ADGRV1: variants seen among roughly 807,000 people sequenced by gnomAD.
ADGRV1 encodes adhesion G protein-coupled receptor V1.
In ADGRV1, 359 loss-of-function variants were observed where a neutral mutation model predicts 596.2. The observed-to-expected ratio is 0.60, with a 90% CI of 0.55 to 0.66. The LOEUF (loss-of-function observed/expected upper bound fraction) is 0.66. Ranked by LOEUF, ADGRV1 falls within the 30% of genes least tolerant of loss-of-function variation. ADGRV1 has a pLI of 0.00. For synonymous variants in ADGRV1, 2,681 were observed against 2,679.2 expected, an observed-to-expected ratio of 1.00 and a Z score of -0.02; for missense variants, 7,274 against 7,575.6, an observed-to-expected ratio of 0.96 and a Z score of 1.48.
intron 1 of ADGRV1, among the ~76,000 whole-genome samples, chr5:90,614,429 CTGTT>C (rs1763089046): frequency 6.6e-6 from 1 of 152,024 alleles, no homozygotes; most frequent in Non-Finnish European, 1.5e-5. Context: ...TTGGCTTCAA[CTGTT>C]TCAGTTTTGG....
In ADGRV1 at chr5:90,693,992, A is replaced by C; in HGVS notation, c.7236A>C (p.Glu2412Asp). 1 of 1,613,496 alleles carries C rather than the reference A, an allele frequency of 6.2e-7. No individual in the cohort carries two copies. Among genetic ancestry groups the C allele is most frequent in the Non-Finnish European group, 8.5e-7 (1 of 1,179,720 alleles). The change falls in exon 33 of 90, where the codon GAA becomes GAC. Residue 2412 changes from glutamate (E) to aspartate (D), a missense_variant. Physicochemically the swap from Glu to Asp is conservative, Grantham distance 45. Transcript: ENST00000405460. ...EEGQDLLSYY[E>D]SPIQGVPDPL... ...GTCAAGATTTACTGTCCTACTATGA[A>C]TCTCCAATTCAAGGGGTGCCTGACC...
intron 2 of ADGRV1, 105 bp from the exon 3 acceptor site, chr5:90,617,698 AT>A (rs1179648076): frequency 3.2e-6 from 3 of 928,408 alleles, no homozygotes; most frequent in Admixed American, 2.7e-5. Context: ...ATAAACATAA[AT>A]GTCACTTGAT....
intron 2 of ADGRV1, chr5:90,617,277 A>G (rs1279681432): frequency 6.6e-6 from 1 of 151,830 alleles, no homozygotes; most frequent in Non-Finnish European, 1.5e-5. Flanking sequence ...GTTTCACAGC[A>G]TGAACAAATG....
chr5:90,621,549 C>T (rs1764069040), intron 4 of ADGRV1, among the ~76,000 whole-genome samples: 1 of 152,142 alleles, frequency 6.6e-6, no homozygotes, highest in South Asian at 2.1e-4. Flanking sequence ...ATGTGGCTTT[C>T]CTGCTACACT....
intron 85 of ADGRV1, among the ~76,000 whole-genome samples, chr5:91,040,730 A>T (rs1376829453): frequency 2.0e-5 from 3 of 152,202 alleles, no homozygotes; most frequent in South Asian, 2.1e-4. Flanking sequence ...ATTTTGGATC[A>T]TCTGATCCAT....
chr5:90,860,945 A>G (rs2150438901), intron 82 of ADGRV1, among the ~76,000 whole-genome samples: 1 of 152,316 alleles, frequency 6.6e-6, no homozygotes, highest in Admixed American at 6.5e-5. Flanking sequence ...GTGATGCCAA[A>G]TAATGAAGAT....
chr5:90,612,601 A>G (rs983926567), intron 1 of ADGRV1, among the ~76,000 whole-genome samples: 3 of 152,028 alleles, frequency 2.0e-5, no homozygotes, highest in Non-Finnish European at 4.4e-5. Flanking sequence ...CGCCTTCTTC[A>G]TAGAGATATT....
intron 85 of ADGRV1, among the ~76,000 whole-genome samples, chr5:90,993,425 G>C (rs1420692860): frequency 6.6e-6 from 1 of 152,006 alleles, no homozygotes; most frequent in Non-Finnish European, 1.5e-5. Context: ...CCAAAGTGCT[G>C]GCATTACAGG....
chr5:90,657,326 G>C (rs1484382053), intron 20 of ADGRV1, among the ~76,000 whole-genome samples: 1 of 151,768 alleles, frequency 6.6e-6, no homozygotes, highest in East Asian at 2.0e-4. Flanking sequence ...TGATGTCCTT[G>C]CTATTTGTTA....
chr5:90,601,168 T>G lies in ADGRV1; in HGVS notation c.23-13667T>G, dbSNP rs1363652943. 7.3e-5 allele frequency among the ~76,000 whole-genome samples: 11 copies of G among 151,656 alleles called. No homozygotes were observed. In the East Asian group the frequency reaches 1.4e-3, roughly 19 times the overall value. ...CAGGAGAATCACTTGAACCTGGCGG[T>G]GGAGGTTGCAGTGAGCCAAGATCAC... is the stretch of plus-strand genomic sequence containing the variant. On this transcript the variant is annotated intron_variant, in intron 1 of 89. Coordinates refer to ENST00000405460, the MANE Select transcript of ADGRV1 (RefSeq NM_032119.4).
At chr5:90,849,535 G>A (rs1020252831) in intron 79 of ADGRV1, among the ~76,000 whole-genome samples, 5 of 151,996 alleles carry the variant, frequency 3.3e-5, no homozygotes, top group East Asian at 1.9e-4. Context: ...GACCAGAGGC[G>A]TGCACCACCA....
At chr5:90,955,057 C>G (rs945000776) in intron 83 of ADGRV1, among the ~76,000 whole-genome samples, 1 of 152,084 alleles carries the variant, frequency 6.6e-6, no homozygotes, top group Non-Finnish European at 1.5e-5. Flanking sequence ...CTCGCTTTTT[C>G]TCTCTCTGTT....
chr5:90,963,994 C>T (rs951148367), intron 83 of ADGRV1, among the ~76,000 whole-genome samples: 1 of 151,850 alleles, frequency 6.6e-6, no homozygotes, highest in Non-Finnish European at 1.5e-5. Context: ...TAAGGTGCAT[C>T]TTTCATTGTG....
chr5:90,772,657 A>C (rs1263443212), intron 59 of ADGRV1, among the ~76,000 whole-genome samples: 2 of 152,246 alleles, frequency 1.3e-5, no homozygotes, highest in Non-Finnish European at 2.9e-5. Context: ...TTGGGGTTAC[A>C]AAGTTGGATG....
intron 13 of ADGRV1, among the ~76,000 whole-genome samples, chr5:90,643,501 A>T (rs1767280114): frequency 6.6e-6 from 1 of 152,162 alleles, no homozygotes; most frequent in Admixed American, 6.5e-5. Flanking sequence ...ATTTTATTTT[A>T]TTCACTTTTG....
At chr5:90,886,944 G>A (rs189040213) in intron 83 of ADGRV1, among the ~76,000 whole-genome samples, 182 of 152,154 alleles carry the variant, frequency 1.2e-3, no homozygotes, top group African/African-American at 4.0e-3. Context: ...AATGTACCAC[G>A]TCTTATGTGA....
chr5:90,624,032 C>T (rs992668385), intron 5 of ADGRV1, among the ~76,000 whole-genome samples: 2 of 152,060 alleles, frequency 1.3e-5, no homozygotes, highest in Non-Finnish European at 2.9e-5. Flanking sequence ...AGTTTCTTTC[C>T]TAATTATTAA....
chr5:90,575,139 G>T (rs1240405206), intron 1 of ADGRV1, among the ~76,000 whole-genome samples: 2 of 150,944 alleles, frequency 1.3e-5, no homozygotes, highest in Non-Finnish European at 3.0e-5. Flanking sequence ...TTTGGGATTG[G>T]TTTGTTCTTT....
chr5:90,805,244 TAG>T (rs1761792090), intron 71 of ADGRV1, 38 bp from the exon 72 acceptor site: 8 of 1,575,364 alleles, frequency 5.1e-6, no homozygotes, highest in Middle Eastern at 1.7e-4. Flanking sequence ...CAGGAAGGTT[TAG>T]AGAGAAATAA....
Sources: gnomAD v4.1 joint callset for allele counts (sites outside exome capture counted in the v4.1 genomes callset) on GRCh38, gnomAD v4.1.1 for gene constraint, MANE v1.5 for transcripts, NCBI Gene and HGNC (gene_info 2026-07-23, HGNC 2026-07-21) for gene names.